The following CMTM8 variants were observed in gnomAD, a reference collection of about 807,000 sequenced individuals.
CMTM8 encodes the protein CKLF-like MARVEL transmembrane domain-containing protein 8.
CMTM8 carries 12 observed loss-of-function variants against 18.6 expected under a neutral mutation model. The observed-to-expected ratio is 0.65, with a 90% CI of 0.41 to 1.05. The LOEUF (loss-of-function observed/expected upper bound fraction) is 1.05, where lower values mean the gene tolerates loss of function less well. Ranked by LOEUF, CMTM8 falls within the 50% of genes least tolerant of loss-of-function variation. CMTM8 has a pLI of 0.00. For missense variants in CMTM8, 217 were observed against 227.2 expected, an observed-to-expected ratio of 0.95 and a Z score of 0.29; for synonymous variants, 87 against 90.6, an observed-to-expected ratio of 0.96 and a Z score of 0.23.
At chr3:32,300,323 A>G (rs1337058612) in intron 1 of CMTM8, among the ~76,000 whole-genome samples, 1 of 152,198 alleles carries the variant, frequency 6.6e-6, no homozygotes, top group Non-Finnish European at 1.5e-5. Context: ...GGGTCTTATG[A>G]ACTACAACCA....
chr3:32,329,012 TAAAGATACTGTAAGTAAAC>T (rs1696220679), intron 1 of CMTM8, among the ~76,000 whole-genome samples: 1 of 152,056 alleles, frequency 6.6e-6, no homozygotes, highest in Non-Finnish European at 1.5e-5. Flanking sequence ...CAAAATGAGA[TAAAGATACTGTAAGTAAAC>T]AAAGATACTA....
chr3:32,315,128 C>CT (rs774058477), intron 1 of CMTM8, among the ~76,000 whole-genome samples: 67 of 138,576 alleles, frequency 4.8e-4, no homozygotes, highest in East Asian at 1.0e-3. Context: ...TCTTCTTCTT[C>CT]TTTTTTTTTT....
intron 1 of CMTM8, among the ~76,000 whole-genome samples, chr3:32,256,813 T>A (rs1288341863): frequency 6.6e-6 from 1 of 152,212 alleles, no homozygotes; most frequent in Admixed American, 6.5e-5. Flanking sequence ...TGGTGTTCCC[T>A]GCTGAGAATA....
intron 1 of CMTM8, among the ~76,000 whole-genome samples, chr3:32,256,880 A>G (rs970932645): frequency 9.2e-5 from 14 of 152,220 alleles, no homozygotes; most frequent in African/African-American, 3.1e-4. Context: ...TCAGAGGGCT[A>G]GCTTTCACTG....
At chr3:32,339,789 C>A (rs982608950) in intron 1 of CMTM8, among the ~76,000 whole-genome samples, 4 of 152,090 alleles carry the variant, frequency 2.6e-5, no homozygotes, top group African/African-American at 4.8e-5. Flanking sequence ...CAGAGAAACC[C>A]CATCTCTACT....
chr3:32,322,125 T>A (rs9859383), intron 1 of CMTM8, among the ~76,000 whole-genome samples: 5 of 152,270 alleles, frequency 3.3e-5, no homozygotes, highest in African/African-American at 1.2e-4. Flanking sequence ...TGGTGGTACT[T>A]GGAATCTGAG....
rs571818549 is a variant in CMTM8, at chr3:32,332,037, C to T, written c.148-25336C>T. 4.8e-5 allele frequency among the ~76,000 whole-genome samples: 5 copies of T among 103,582 alleles called. No homozygotes were observed. The East Asian group carries it at 7.1e-4, about 15-fold the overall frequency. 68.0% of individuals were successfully genotyped at this position (103,582 alleles called of 152,430 possible). ...AATGTTACGTTCTTTTGACCACACG[C>T]GCACACACACACACACACAAGTAAG... On this transcript the variant is annotated intron_variant, in intron 1 of 3. Transcript: ENST00000307526.
intron 1 of CMTM8, among the ~76,000 whole-genome samples, chr3:32,276,662 G>T (rs1272401601): frequency 6.6e-6 from 1 of 152,098 alleles, no homozygotes; most frequent in Non-Finnish European, 1.5e-5. Context: ...TGCCACTTTG[G>T]TTGTTTTCTT....
At chr3:32,273,233 A>T (rs1009865904) in intron 1 of CMTM8, among the ~76,000 whole-genome samples, 1 of 151,224 alleles carries the variant, frequency 6.6e-6, no homozygotes, top group Admixed American at 6.6e-5. Context: ...AAGTGCTGGG[A>T]TTACAGATGT....
intron 1 of CMTM8, 84 bp from the exon 2 acceptor site, chr3:32,357,288 AT>A (rs959228678): frequency 2.1e-4 from 205 of 979,558 alleles, no homozygotes; most frequent in African/African-American, 5.0e-4. Flanking sequence ...CTGTATAATT[AT>A]TTTTTTTTCT....
At chr3:32,242,033 C>A (rs1331650432) in intron 1 of CMTM8, among the ~76,000 whole-genome samples, 1 of 152,208 alleles carries the variant, frequency 6.6e-6, no homozygotes, top group Non-Finnish European at 1.5e-5. Context: ...AGCTGGCCGA[C>A]TGGGCTCTCC....
intron 1 of CMTM8, among the ~76,000 whole-genome samples, chr3:32,337,417 G>T (rs1356805339): frequency 1.3e-5 from 2 of 152,182 alleles, no homozygotes; most frequent in Non-Finnish European, 2.9e-5. Context: ...CACACAGTTT[G>T]TTCAGTGTTC....
chr3:32,333,022 A>G (rs530209581), intron 1 of CMTM8, among the ~76,000 whole-genome samples: 1 of 152,348 alleles, frequency 6.6e-6, no homozygotes, highest in African/African-American at 2.4e-5. Flanking sequence ...GTAGCAGTCT[A>G]GAACAGCAGT....
chr3:32,253,060 A>C (rs1575146166), intron 1 of CMTM8, among the ~76,000 whole-genome samples: 1 of 152,238 alleles, frequency 6.6e-6, no homozygotes, highest in African/African-American at 2.4e-5. Flanking sequence ...AGGTTTGTTT[A>C]CTTCCATTGG....
chr3:32,340,836 G>T (rs150481913), intron 1 of CMTM8, among the ~76,000 whole-genome samples: 1 of 152,244 alleles, frequency 6.6e-6, no homozygotes, highest in Non-Finnish European at 1.5e-5. Context: ...ACTAGATGGC[G>T]AATTCCTCCT....
intron 1 of CMTM8, among the ~76,000 whole-genome samples, chr3:32,240,053 C>T (rs1701927100): frequency 6.6e-6 from 1 of 152,250 alleles, no homozygotes; most frequent in African/African-American, 2.4e-5. Context: ...AGCAGTGCCC[C>T]TCTGTCATCT....
intron 1 of CMTM8, chr3:32,260,288 C>G (rs1262428492): frequency 1.2e-6 from 1 of 812,650 alleles, no homozygotes; most frequent in African/African-American, 1.7e-5. Context: ...GTTCAGAGGT[C>G]ATTGGAAAAA....
intron 1 of CMTM8, among the ~76,000 whole-genome samples, chr3:32,333,479 T>C (rs1022602793): frequency 3.3e-5 from 5 of 152,206 alleles, no homozygotes; most frequent in African/African-American, 1.2e-4. Flanking sequence ...CCCCTGGTGA[T>C]TGTGTATACA....
At chr3:32,333,485 A>G (rs1051087981) in intron 1 of CMTM8, among the ~76,000 whole-genome samples, 1 of 152,182 alleles carries the variant, frequency 6.6e-6, no homozygotes, top group African/African-American at 2.4e-5. Flanking sequence ...GTGATTGTGT[A>G]TACACTGATG....
Sources: allele counts gnomAD v4.1 joint callset (sites outside exome capture counted in the v4.1 genomes callset), GRCh38; gene constraint gnomAD v4.1.1; transcripts MANE v1.5; gene names NCBI Gene and HGNC (gene_info 2026-07-23, HGNC 2026-07-21).